KIAA0513: variants seen among roughly 807,000 people sequenced by gnomAD.
The protein encoded by KIAA0513 is uncharacterized protein KIAA0513.
Under a neutral mutation model 56.5 loss-of-function variants are expected in KIAA0513, and 39 were observed. The observed-to-expected ratio is 0.69, with a 90% CI of 0.53 to 0.90. KIAA0513 has a LOEUF of 0.90. Among genes scored for constraint, KIAA0513 ranks in the 40% least tolerant of loss-of-function variants. The pLI is 0.00. For synonymous variants in KIAA0513, 268 were observed against 215.6 expected (o/e 1.24, Z -2.13); for missense variants, 591 against 535.2 (o/e 1.10, Z -1.03).
Position 85,050,086 on chromosome 16 carries a change from C to G in KIAA0513, c.-172-16814C>G, listed in dbSNP as rs573471554. Among the ~76,000 whole-genome samples, 344 of 152,124 alleles carry G rather than the reference C, an allele frequency of 2.3e-3. 1 individual carries two copies. Among genetic ancestry groups the G allele is most frequent in the Middle Eastern group, 0.014 (4 of 294 alleles). ...GTTCTAACACGCAGTTGCAATGGAA[C>G]CAACTCAGTCAATGGTGATCGCTGA... On this transcript the variant is annotated intron_variant, in intron 1 of 12. Transcript: ENST00000683363.
At chr16:85,035,867 C>G (rs1024236604) in intron 1 of KIAA0513, among the ~76,000 whole-genome samples, 2 of 151,326 alleles carry the variant, frequency 1.3e-5, no homozygotes, top group Non-Finnish European at 2.9e-5. Context: ...CGTAGTCCAG[C>G]TACTTGGGAG....
Position 85,090,383 on chromosome 16 carries a change from A to G in KIAA0513, c.*2058A>G, listed in dbSNP as rs2073855895. 6.6e-6 allele frequency: 1 copy of G among 152,162 alleles called. No homozygotes were observed. Among genetic ancestry groups the G allele is most frequent in the African/African-American group, 2.4e-5 (1 of 41,444 alleles). 9.4% of individuals were successfully genotyped at this position (152,162 alleles called of 1,614,324 possible). A position where few individuals can be genotyped will look rare whatever the true frequency, so the allele number is the denominator to read the frequency against. On this transcript the variant is annotated 3_prime_UTR_variant, in exon 13 of 13. Coordinates refer to ENST00000683363, the MANE Select transcript of KIAA0513 (RefSeq NM_001388359.1). ...ATTCAGACTTTGTTCTGCGGTGCCC[A>G]CAGGACTTACCCCTGTATGTACAGG...
At chr16:85,044,708 A>G (rs1365318089) in intron 1 of KIAA0513, among the ~76,000 whole-genome samples, 4 of 151,646 alleles carry the variant, frequency 2.6e-5, no homozygotes, top group African/African-American at 9.7e-5. Flanking sequence ...GGGTTTCACC[A>G]TGTTGGCCAG....
At chr16:85,030,536 C>T (rs866304391) in intron 1 of KIAA0513, among the ~76,000 whole-genome samples, 1 of 152,040 alleles carries the variant, frequency 6.6e-6, no homozygotes, top group Non-Finnish European at 1.5e-5. Context: ...CACCTGAGGT[C>T]AGGAGTTCGA....
rs185342388 is a variant in KIAA0513 at position 85,065,916 on chromosome 16, C to A, written c.-172-984C>A. ...TGACCTATGTAGCCAGCTCCCCTGACCCTGTGAGCATGTTCACAATCCGGT... is the reference window on the plus strand; with the variant it reads ...TGACCTATGTAGCCAGCTCCCCTGAACCTGTGAGCATGTTCACAATCCGGT... On this transcript the variant is annotated intron_variant, in intron 1 of 12. Coordinates refer to ENST00000683363, the MANE Select transcript of KIAA0513 (RefSeq NM_001388359.1). Among the ~76,000 whole-genome samples, 3 of 152,310 alleles carry A rather than the reference C, an allele frequency of 2.0e-5. No individual in the cohort carries two copies. In the East Asian group the frequency reaches 5.8e-4, roughly 29 times the overall value.
At chr16:85,056,177 G>A (rs1398322123) in intron 1 of KIAA0513, among the ~76,000 whole-genome samples, 3 of 152,234 alleles carry the variant, frequency 2.0e-5, no homozygotes, top group Non-Finnish European at 4.4e-5. Flanking sequence ...TGGACGGCAC[G>A]ACGGTCTGCA....
rs1428299997 is a variant in KIAA0513 at position 85,090,185 on chromosome 16, A to C, written c.*1860A>C. ...GTGGACACCCCTCGCTCTGATGCCAACTGCAGATAATACACACCTCCTGCA... is the reference window on the plus strand; with the variant it reads ...GTGGACACCCCTCGCTCTGATGCCACCTGCAGATAATACACACCTCCTGCA... On this transcript the variant is annotated 3_prime_UTR_variant, in exon 13 of 13. Transcript: ENST00000683363. 6.6e-6 allele frequency: 1 copy of C among 151,930 alleles called. No individual in the cohort carries two copies. The highest frequency in any genetic ancestry group is 2.4e-5 in the African/African-American group (1 of 41,372). The allele number at this position is 151,930 out of a possible 1,614,324, so 9.4% of individuals were successfully genotyped here.
chr16:85,074,327 CGT>C (rs2073624178), intron 4 of KIAA0513, among the ~76,000 whole-genome samples: 2 of 144,108 alleles, frequency 1.4e-5, no homozygotes, highest in Non-Finnish European at 3.0e-5. Context: ...CACACACACA[CGT>C]ATATATACAC....
chr16:85,079,353 G>T, intron 8 of KIAA0513: 1 of 260,250 alleles, frequency 3.8e-6, no homozygotes, highest in Non-Finnish European at 7.4e-6. Flanking sequence ...AATGTCTGTA[G>T]CAACGTCGTT....
chr16:85,055,498 T>C (rs2073315599), intron 1 of KIAA0513, among the ~76,000 whole-genome samples: 1 of 152,240 alleles, frequency 6.6e-6, no homozygotes, highest in South Asian at 2.1e-4. Flanking sequence ...AAACTCAGTG[T>C]ACTGTTCTAC....
In KIAA0513 at chr16:85,085,854, C is replaced by T. The variant is rs560784958; in HGVS notation, c.1011-790C>T. 7.9e-5 allele frequency among the ~76,000 whole-genome samples: 12 copies of T among 152,360 alleles called. No homozygotes were observed. The East Asian group carries it at 1.5e-3, about 20-fold the overall frequency. ...CGGCTCCTGAAGCTCGTGCAAACCT[C>T]GGCCGATGCCGTCTTACTGGGTTTT... is the stretch of plus-strand genomic sequence containing the variant. On this transcript the variant is annotated intron_variant, in intron 10 of 12. Transcript: ENST00000683363.
chr16:85,081,360 T>C lies in KIAA0513; in HGVS notation c.948T>C (p.His316=), dbSNP rs752167454. The C allele has an allele frequency of 8.8e-6, 14 of 1,591,772 alleles. No homozygotes were observed. The highest frequency in any genetic ancestry group is 1.1e-5 in the Non-Finnish European group (13 of 1,168,982). Residue 316 remains histidine, a synonymous_variant, in exon 9 of 13, where the codon CAT becomes CAC. Transcript: ENST00000683363. The surrounding 1 kb of genome is among the most constrained non-coding windows in gnomAD (Gnocchi z 4.4). ...FWNAAFFDAV[H]CERTKRSPTT... The stretch of plus-strand genomic sequence containing the variant: ...ATGCAGCCTTTTTTGACGCTGTCCA[T>C]TGTGAGAGGACAAAGCGATCTCCCA...
At chr16:85,079,810 C>G (rs1282044942) in intron 8 of KIAA0513, 1 of 152,202 alleles carries the variant, frequency 6.6e-6, no homozygotes, top group Non-Finnish European at 1.5e-5. Context: ...TAATTAAGCT[C>G]TTACATATAT....
chr16:85,039,005 T>C (rs2073071859), intron 1 of KIAA0513, among the ~76,000 whole-genome samples: 3 of 152,158 alleles, frequency 2.0e-5, no homozygotes. Flanking sequence ...CTATAGTATT[T>C]TTGTTTGCTT....
chr16:85,037,110 A>C (rs895293517), intron 1 of KIAA0513, among the ~76,000 whole-genome samples: 1 of 152,098 alleles, frequency 6.6e-6, no homozygotes, highest in Non-Finnish European at 1.5e-5. Flanking sequence ...CTTCATGACT[A>C]AGTCCATGTA....
At chr16:85,065,943 T>C (rs1475162921) in intron 1 of KIAA0513, among the ~76,000 whole-genome samples, 3 of 152,254 alleles carry the variant, frequency 2.0e-5, no homozygotes, top group Non-Finnish European at 4.4e-5. Flanking sequence ...CAATCCGGTC[T>C]GTTCCTTCGT....
At chr16:85,046,931 A>G (rs914072212) in intron 1 of KIAA0513, among the ~76,000 whole-genome samples, 15 of 152,162 alleles carry the variant, frequency 9.9e-5, no homozygotes, top group Admixed American at 9.2e-4. Context: ...GTTAGCTCAG[A>G]TAAGATGTTG....
At chr16:85,043,401 ATTTTTTTTTTTT>A (rs761248323) in intron 1 of KIAA0513, among the ~76,000 whole-genome samples, 7 of 77,922 alleles carry the variant, frequency 9.0e-5, no homozygotes, top group African/African-American at 2.9e-4. Context: ...TGCTTCTTGG[ATTTTTTTTTTTT>A]TTTTTTTTTT....
intron 1 of KIAA0513, among the ~76,000 whole-genome samples, chr16:85,056,172 G>C (rs1039025009): frequency 6.6e-6 from 1 of 152,246 alleles, no homozygotes; most frequent in African/African-American, 2.4e-5. Flanking sequence ...TGCGATGGAC[G>C]GCACGACGGT....
Sources: allele counts gnomAD v4.1 joint callset (sites outside exome capture counted in the v4.1 genomes callset), GRCh38; gene constraint gnomAD v4.1.1; non-coding constraint Gnocchi (gnomAD v3.1); transcripts MANE v1.5; gene names NCBI Gene and HGNC (gene_info 2026-07-23, HGNC 2026-07-21).